Variants in CFAP44 observed in about 807,000 individuals in gnomAD.
CFAP44 encodes the protein cilia- and flagella-associated protein 44.
Under a neutral mutation model 216.2 loss-of-function variants are expected in CFAP44, and 134 were observed. That is an observed-to-expected ratio of 0.62 (90% CI 0.54 to 0.72). The LOEUF is 0.72. Among genes scored for constraint, CFAP44 ranks in the 30% least tolerant of loss-of-function variants. CFAP44 has a pLI of 0.00. For synonymous variants in CFAP44, 700 were observed against 727.6 expected (o/e 0.96, Z 0.61); for missense variants, 2,035 against 2,182.1 (o/e 0.93, Z 1.34).
intron 17 of CFAP44, among the ~76,000 whole-genome samples, chr3:113,376,401 A>G (rs1379094369): frequency 1.3e-5 from 2 of 152,212 alleles, no homozygotes; most frequent in African/African-American, 4.8e-5. Flanking sequence ...TCACTGGAAG[A>G]TAAGTGATAT....
Position 113,427,246 on chromosome 3 carries a change from T to C in CFAP44, c.194A>G (p.Glu65Gly). The C allele has an allele frequency of 6.2e-7, 1 of 1,613,676 alleles. No individual in the cohort carries two copies. Among genetic ancestry groups the C allele is most frequent in the South Asian group, 1.1e-5 (1 of 90,942 alleles). ...ACTCAAACTTCCTTCCAAACGTTCC[T>C]CATCTGAGTCTTCTTCTAAATATGA... ...EGSYLEEDSD[E>G]ERLEGSLSSF... The change falls in exon 3 of 35, where the codon GAG becomes GGG. Residue 65 changes from glutamate to glycine, a missense_variant. Around this residue, in one of 3 missense-constraint regions of CFAP44, gnomAD observed 149 missense variants for 141.8 expected, o/e 1.05. Coordinates refer to ENST00000393845, the MANE Select transcript of CFAP44 (RefSeq NM_001164496.2).
chr3:113,416,474 G>T, intron 6 of CFAP44, 51 bp downstream of exon 6: 1 of 1,391,230 alleles, frequency 7.2e-7, no homozygotes, highest in South Asian at 1.2e-5. Flanking sequence ...ACCTTCTTCA[G>T]AATGTTGTTA....
At chr3:113,293,531 A>G (rs1949851494) in intron 34 of CFAP44, among the ~76,000 whole-genome samples, 1 of 152,222 alleles carries the variant, frequency 6.6e-6, no homozygotes, top group South Asian at 2.1e-4. Flanking sequence ...TCTCCCATTC[A>G]GCTGATCTCC....
chr3:113,346,976 C>A (rs1370144802), intron 22 of CFAP44, among the ~76,000 whole-genome samples: 1 of 152,150 alleles, frequency 6.6e-6, no homozygotes, highest in East Asian at 1.9e-4. Flanking sequence ...TTGAAGTCAG[C>A]GAGACCAAGA....
chr3:113,329,139 T>C (rs1376907745), intron 26 of CFAP44, among the ~76,000 whole-genome samples: 1 of 152,156 alleles, frequency 6.6e-6, no homozygotes, highest in Non-Finnish European at 1.5e-5. Context: ...AAGAATTGTG[T>C]AATTTAATTT....
chr3:113,395,132 A>C (rs78700263), intron 15 of CFAP44, among the ~76,000 whole-genome samples: 2,034 of 152,322 alleles, frequency 0.013, 86 homozygotes, highest in East Asian at 0.078. Flanking sequence ...CTTCTATGCA[A>C]TTCATCAGTA....
chr3:113,392,606 T>C (rs1056470989), intron 15 of CFAP44, among the ~76,000 whole-genome samples: 7 of 152,156 alleles, frequency 4.6e-5, no homozygotes. Context: ...AGGTGACGGA[T>C]ATCCCATTTA....
chr3:113,430,495 T>C (rs1430040919), intron 2 of CFAP44, among the ~76,000 whole-genome samples: 1 of 145,444 alleles, frequency 6.9e-6, no homozygotes, highest in Admixed American at 6.8e-5. Flanking sequence ...ATCAACAACA[T>C]TGATAAGCTC....
At chr3:113,320,328 C>G (rs1476542547) in intron 28 of CFAP44, among the ~76,000 whole-genome samples, 1 of 145,548 alleles carries the variant, frequency 6.9e-6, no homozygotes, top group Non-Finnish European at 1.5e-5. Context: ...GGAACCTGAC[C>G]CTGACCCTGA....
At chr3:113,340,055 C>A (rs1950317674) in intron 24 of CFAP44, among the ~76,000 whole-genome samples, 1 of 152,168 alleles carries the variant, frequency 6.6e-6, no homozygotes, top group Non-Finnish European at 1.5e-5. Flanking sequence ...GGGGTTGCGG[C>A]TACCATCATG....
chr3:113,399,318 AATG>A (rs1469510056), intron 13 of CFAP44, among the ~76,000 whole-genome samples: 1 of 152,166 alleles, frequency 6.6e-6, no homozygotes, highest in African/African-American at 2.4e-5. Flanking sequence ...AGCAAAATAA[AATG>A]ATTATTTTAT....
Position 113,344,639 on chromosome 3 carries a change from T to G in CFAP44, c.3139A>C (p.Arg1047=), listed in dbSNP as rs2107822155. Residue 1047 remains arginine (R), a synonymous_variant, in exon 23 of 35, where the codon AGG becomes CGG. Transcript: ENST00000393845. ...ILSDHKISSY[R]LVQPSKYSKF... is the part of the protein sequence containing the mutation. ...GAGTACTTAGAGGGCTGCACCAGCC[T>G]GTAAGAGGATATCTTGTGGTCACTC... 4 of 1,537,058 alleles carry G rather than the reference T, an allele frequency of 2.6e-6. No individual in the cohort carries two copies. The South Asian group carries it at 4.8e-5, about 18-fold the overall frequency.
chr3:113,311,900 A>C (rs1950042261), intron 28 of CFAP44, among the ~76,000 whole-genome samples: 1 of 152,166 alleles, frequency 6.6e-6, no homozygotes, highest in African/African-American at 2.4e-5. Context: ...TGTTAGTTTT[A>C]GCAAAGAGAC....
chr3:113,344,524 C>A lies in CFAP44; in HGVS notation c.3254G>T (p.Arg1085Ile). 6.5e-7 allele frequency: 1 copy of A among 1,536,646 alleles called. No homozygotes were observed. Among genetic ancestry groups the A allele is most frequent in the East Asian group, 2.4e-5 (1 of 40,896 alleles). The change falls in exon 23 of 35, where the codon AGA (arginine) becomes ATA (isoleucine). Residue 1085 changes from arginine (R) to isoleucine (I), a missense_variant. By Grantham distance (97) the Arg-to-Ile change is moderately conservative. Transcript: ENST00000393845. ...TTCTTGTCATAGGCTACCTGCATCT[C>A]TCTGGCTGTCCTTTCTTCCAGGTCC... is the stretch of plus-strand genomic sequence containing the variant. ...KEGPGRKDSQ[R>I]DAGGSVTIQE... is the part of the protein sequence containing the mutation.
At chr3:113,418,314 T>C (rs569051627) in intron 5 of CFAP44, among the ~76,000 whole-genome samples, 1 of 152,248 alleles carries the variant, frequency 6.6e-6, no homozygotes, top group East Asian at 1.9e-4. Context: ...CTTGAACTCC[T>C]GGCCTCAAGT....
intron 25 of CFAP44, 92 bp from the exon 26 acceptor site, chr3:113,330,760 C>T: frequency 7.1e-7 from 1 of 1,406,402 alleles, no homozygotes; most frequent in Non-Finnish European, 9.3e-7. Flanking sequence ...GCTGAAAGGC[C>T]TAGAAAAAAT....
chr3:113,342,548 A>C (rs1272432922), intron 23 of CFAP44, among the ~76,000 whole-genome samples: 1 of 152,152 alleles, frequency 6.6e-6, no homozygotes, highest in African/African-American at 2.4e-5. Flanking sequence ...GTTGGGAAAG[A>C]GTGTTTGTGA....
chr3:113,321,699 A>C (rs941606451), intron 28 of CFAP44, among the ~76,000 whole-genome samples: 23 of 152,242 alleles, frequency 1.5e-4, no homozygotes, highest in Admixed American at 2.0e-4. Context: ...TACAAAAATC[A>C]GTAGCATTTC....
intron 2 of CFAP44, among the ~76,000 whole-genome samples, chr3:113,431,754 T>C (rs926270066): frequency 2.6e-5 from 4 of 152,166 alleles, no homozygotes; most frequent in Non-Finnish European, 1.5e-5. Context: ...TTAATGCAAA[T>C]TTTGCATGTG....
Sources: gnomAD v4.1 joint callset for allele counts (sites outside exome capture counted in the v4.1 genomes callset) on GRCh38, gnomAD v4.1.1 for gene constraint, gnomAD v4.1.1 regional missense constraint, MANE v1.5 for transcripts, NCBI Gene and HGNC (gene_info 2026-07-23, HGNC 2026-07-21) for gene names.